SLC16A10: variants seen among roughly 807,000 people sequenced by gnomAD.
SLC16A10 encodes the protein solute carrier family 16 member 10, also known as monocarboxylate transporter 10.
A neutral mutation model predicts 40.0 loss-of-function variants in SLC16A10; 27 were observed. The ratio of observed to expected loss-of-function variants is 0.67; its 90% CI spans 0.50 to 0.93. The LOEUF (loss-of-function observed/expected upper bound fraction) is 0.93. Among genes scored for constraint, SLC16A10 ranks in the 40% least tolerant of loss-of-function variants. The probability of loss-of-function intolerance (pLI) is 0.00; values close to 1 mark genes in which losing one functional copy is unlikely to be tolerated. For synonymous variants in SLC16A10, 213 were observed against 249.8 expected, an observed-to-expected ratio of 0.85 and a Z score of 1.39; for missense variants, 529 against 658.2, an observed-to-expected ratio of 0.80 and a Z score of 2.15.
intron 1 of SLC16A10, among the ~76,000 whole-genome samples, chr6:111,157,239 G>A (rs901987732): frequency 1.3e-5 from 2 of 151,610 alleles, no homozygotes; most frequent in African/African-American, 4.8e-5. Flanking sequence ...TTTTTAAAAG[G>A]TAGGAAAGTT....
rs190623354 is a variant in SLC16A10, at chr6:111,178,368, C to T, written c.942+703C>T. 105 of 531,610 alleles carry T rather than the reference C, an allele frequency of 2.0e-4. No homozygotes were observed. The Admixed American group carries it at 2.0e-3, about 10-fold the overall frequency. The allele number at this position is 531,610 out of a possible 1,614,324, so 32.9% of individuals were successfully genotyped here. A position where few individuals can be genotyped will look rare whatever the true frequency, so the allele number is the denominator to read the frequency against. ...ATAGGAAATTAGGATTTCAAGTGCT[C>T]AAGAAGTTTATATTGTTTATTTCTA... On this transcript the variant is annotated intron_variant, in intron 3 of 5. Transcript: ENST00000368851.
intron 1 of SLC16A10, among the ~76,000 whole-genome samples, chr6:111,111,624 C>T (rs996267854): frequency 3.3e-5 from 5 of 152,140 alleles, no homozygotes; most frequent in Non-Finnish European, 7.4e-5. Flanking sequence ...ACCTAATTGT[C>T]GTTATATATC....
intron 1 of SLC16A10, among the ~76,000 whole-genome samples, chr6:111,104,645 C>A (rs569286735): frequency 2.0e-5 from 3 of 152,000 alleles, no homozygotes; most frequent in African/African-American, 7.3e-5. Context: ...ACATCAAGGG[C>A]GATGTCAGGC....
chr6:111,107,062 A>G (rs562190288), intron 1 of SLC16A10, among the ~76,000 whole-genome samples: 1 of 152,290 alleles, frequency 6.6e-6, no homozygotes, highest in Admixed American at 6.5e-5. Context: ...ACATATTTTG[A>G]ACTAGTCGAC....
chr6:111,219,381 T>C (rs1024325622), intron 5 of SLC16A10, among the ~76,000 whole-genome samples: 3 of 151,850 alleles, frequency 2.0e-5, no homozygotes, highest in Non-Finnish European at 2.9e-5. Context: ...ATAAAAAAAT[T>C]AGCCAGGCGT....
In SLC16A10 at chr6:111,226,145, T is replaced by C. The variant is rs1156473358; in HGVS notation, c.*3910T>C. The C allele has an allele frequency of 6.6e-6, 1 of 152,166 alleles. No individual in the cohort carries two copies. Among genetic ancestry groups the C allele is most frequent in the Non-Finnish European group, 1.5e-5 (1 of 68,030 alleles). 9.4% of individuals were successfully genotyped at this position (152,166 alleles called of 1,614,324 possible). On this transcript the variant is annotated 3_prime_UTR_variant, in exon 6 of 6. Coordinates refer to ENST00000368851, the MANE Select transcript of SLC16A10 (RefSeq NM_018593.5). ...TATCTTTTATGCTAACATTTAAAAC[T>C]GTATTTAAATTTTTAAGGTAAATGC...
chr6:111,123,248 A>G (rs1270730826), intron 1 of SLC16A10, among the ~76,000 whole-genome samples: 1 of 152,034 alleles, frequency 6.6e-6, no homozygotes, highest in Non-Finnish European at 1.5e-5. Context: ...TTCCCTGTCA[A>G]ATATAATTCT....
At chr6:111,090,855 T>C (rs1053024471) in intron 1 of SLC16A10, among the ~76,000 whole-genome samples, 1 of 152,248 alleles carries the variant, frequency 6.6e-6, no homozygotes, top group African/African-American at 2.4e-5. Context: ...TATTTTCTAT[T>C]ACCGTACTCA....
chr6:111,141,107 T>G (rs1233955731), intron 1 of SLC16A10, among the ~76,000 whole-genome samples: 1 of 152,200 alleles, frequency 6.6e-6, no homozygotes, highest in Non-Finnish European at 1.5e-5. Context: ...ATTCAATTAT[T>G]TAATATTTCA....
At chr6:111,203,939 T>C (rs989830565) in intron 3 of SLC16A10, among the ~76,000 whole-genome samples, 2 of 151,978 alleles carry the variant, frequency 1.3e-5, no homozygotes, top group African/African-American at 4.8e-5. Flanking sequence ...CAGACAGGTG[T>C]TCTTAGTTTC....
chr6:111,141,003 C>T (rs1771972632), intron 1 of SLC16A10, among the ~76,000 whole-genome samples: 1 of 152,054 alleles, frequency 6.6e-6, no homozygotes, highest in South Asian at 2.1e-4. Flanking sequence ...TTGCCTAGGC[C>T]AGTCTCGAAT....
intron 1 of SLC16A10, among the ~76,000 whole-genome samples, chr6:111,170,845 A>G (rs553600636): frequency 1.2e-4 from 18 of 152,338 alleles, no homozygotes; most frequent in African/African-American, 4.1e-4. Context: ...TAGACTAACA[A>G]ATTCTTACTA....
intron 4 of SLC16A10, among the ~76,000 whole-genome samples, chr6:111,209,948 G>C (rs760786032): frequency 1.3e-5 from 2 of 152,140 alleles, no homozygotes; most frequent in Non-Finnish European, 1.5e-5. Flanking sequence ...AGCCACAAGG[G>C]GGGGTCTTAG....
At chr6:111,190,787 G>A (rs775086187) in intron 3 of SLC16A10, among the ~76,000 whole-genome samples, 9 of 152,154 alleles carry the variant, frequency 5.9e-5, no homozygotes, top group Non-Finnish European at 1.0e-4. Context: ...CACACAGCAG[G>A]GGGGCCACAC....
In SLC16A10 at chr6:111,222,415, G is replaced by A; in HGVS notation, c.*180G>A. 7.4e-6 allele frequency: 5 copies of A among 675,348 alleles called. No individual in the cohort carries two copies. Among genetic ancestry groups the A allele is most frequent in the Non-Finnish European group, 8.9e-6 (4 of 446,930 alleles). 41.8% of individuals were successfully genotyped at this position (675,348 alleles called of 1,614,324 possible). On this transcript the variant is annotated 3_prime_UTR_variant, in exon 6 of 6. Transcript: ENST00000368851. ...TTTTCTGCCACTAAATATCTCTGATGTTTCCATGAGTCTGAGGGCAGAGAC... is the reference window on the plus strand; with the variant it reads ...TTTTCTGCCACTAAATATCTCTGATATTTCCATGAGTCTGAGGGCAGAGAC...
At chr6:111,180,738 TC>T (rs1772774518) in intron 3 of SLC16A10, among the ~76,000 whole-genome samples, 1 of 150,998 alleles carries the variant, frequency 6.6e-6, no homozygotes, top group African/African-American at 2.4e-5. Flanking sequence ...GCCCAGGAGT[TC>T]AAGGCTGTGG....
At chr6:111,211,007 A>C (rs1583365018) in intron 4 of SLC16A10, among the ~76,000 whole-genome samples, 1 of 145,406 alleles carries the variant, frequency 6.9e-6, no homozygotes, top group East Asian at 2.0e-4. Context: ...TGGGTGACAG[A>C]GTGAGACTCC....
chr6:111,146,504 A>C (rs999397316), intron 1 of SLC16A10, among the ~76,000 whole-genome samples: 3 of 152,304 alleles, frequency 2.0e-5, no homozygotes, highest in Non-Finnish European at 2.9e-5. Context: ...ACTTTGGCCA[A>C]GGTGGGTGGA....
chr6:111,139,092 CTTTTTTTTTTTTTT>C (rs755473638), intron 1 of SLC16A10, among the ~76,000 whole-genome samples: 30 of 118,896 alleles, frequency 2.5e-4, no homozygotes, highest in Non-Finnish European at 4.3e-4. Context: ...TCTTCTTCTT[CTTTTTTTTTTTTTT>C]TTACTGTGAA....
Sources: allele counts gnomAD v4.1 joint callset (sites outside exome capture counted in the v4.1 genomes callset), GRCh38; gene constraint gnomAD v4.1.1; transcripts MANE v1.5; gene names NCBI Gene and HGNC (gene_info 2026-07-23, HGNC 2026-07-21).